A2ML1: variants seen among roughly 807,000 people sequenced by gnomAD.
A2ML1 encodes alpha-2-macroglobulin like 1, also known as alpha-2-macroglobulin-like protein 1.
In A2ML1, 161 loss-of-function variants were observed where a neutral mutation model predicts 181.9. The ratio of observed to expected loss-of-function variants is 0.89; its 90% CI spans 0.78 to 1.01. The LOEUF is 1.01. Among genes scored for constraint, A2ML1 ranks in the 50% least tolerant of loss-of-function variants. The pLI, the probability that A2ML1 is intolerant of heterozygous loss-of-function variation, is 0.00. For missense variants in A2ML1, 1,670 were observed against 1,768.1 expected (o/e 0.94, Z 1.00); for synonymous variants, 663 against 666.8 (o/e 0.99, Z 0.09).
Position 8,857,251 on chromosome 12 carries a change from C to T in A2ML1, c.2936C>T (p.Ala979Val). Residue 979 changes from alanine to valine, a missense_variant, in exon 24 of 36, where the codon GCT (alanine) becomes GTT (valine). Coordinates refer to ENST00000299698, the MANE Select transcript of A2ML1 (RefSeq NM_144670.6). ...GCGEQNMVLF[A>V]PIIYVLQYLE... ...GGCGAGCAGAACATGGTCTTGTTTG[C>T]TCCCATCATCTATGTCTTGCAGTAC... 3 of 1,613,596 alleles carry T rather than the reference C, an allele frequency of 1.9e-6. No homozygotes were observed. Among genetic ancestry groups the T allele is most frequent in the South Asian group, 2.2e-5 (2 of 91,058 alleles).
At chr12:8,879,217 T>A (rs1944845378), downstream of A2ML1, among the ~76,000 whole-genome samples, 1 of 151,968 alleles carries the variant, frequency 6.6e-6, no homozygotes. Context: ...AGTTGTCAGG[T>A]GCAGCAGCTC....
downstream of A2ML1, among the ~76,000 whole-genome samples, chr12:8,879,512 C>T (rs935291942): frequency 6.6e-6 from 1 of 151,790 alleles, no homozygotes; most frequent in Non-Finnish European, 1.5e-5. Flanking sequence ...AGAAGGTAGT[C>T]ATGATCATGA....
Position 8,841,397 on chromosome 12 carries a change from T to C in A2ML1, c.1109T>C (p.Phe370Ser), listed in dbSNP as rs61744220. 4.9e-3 allele frequency: 7,972 copies of C among 1,614,056 alleles called. 354 individuals are homozygous for C. The African/African-American group carries it at 0.092, about 19-fold the overall frequency. The change falls in exon 11 of 36, where the codon TTC becomes TCC. Residue 370 changes from phenylalanine to serine, a missense_variant. Physicochemically the swap from Phe to Ser is radical, Grantham distance 155. Coordinates refer to ENST00000299698, the MANE Select transcript of A2ML1 (RefSeq NM_144670.6). ...KIRVRGHDDS[F>S]LKNHLVFLVI... is the part of the protein sequence containing the mutation. ...AGAGTTAGGGGCCATGATGACTCCTTCCTCAAGAACCATCTAGTGTTTCTG... is the reference window on the plus strand; with the variant it reads ...AGAGTTAGGGGCCATGATGACTCCTCCCTCAAGAACCATCTAGTGTTTCTG...
intron 33 of A2ML1, among the ~76,000 whole-genome samples, chr12:8,873,313 C>T (rs1944692574): frequency 1.3e-5 from 2 of 151,308 alleles, no homozygotes; most frequent in South Asian, 4.2e-4. Flanking sequence ...GATCTTGGCT[C>T]ACTATAATCT....
rs750224488 is a variant in A2ML1, at chr12:8,868,562, A to G, written c.4087A>G (p.Asn1363Asp). 3 of 1,613,896 alleles carry G rather than the reference A, an allele frequency of 1.9e-6. No homozygotes were observed. Among genetic ancestry groups the G allele is most frequent in the East Asian group, 4.5e-5 (2 of 44,874 alleles). ...TTATGTGGGGAGCCGTAGCTCTTCC[A>G]ATATGGCTATTGTGGAAGTGAAGAT... ...TSYVGSRSSS[N>D]MAIVEVKMLS... Residue 1363 changes from asparagine to aspartate, a missense_variant, in exon 32 of 36, where the codon AAT becomes GAT. By Grantham distance (23) the Asn-to-Asp change is conservative. Coordinates refer to ENST00000299698, the MANE Select transcript of A2ML1 (RefSeq NM_144670.6).
intron 7 of A2ML1, 142 bp downstream of exon 7, chr12:8,836,481 CTTTT>C (rs751110394): frequency 8.6e-3 from 3,320 of 386,678 alleles, no homozygotes; most frequent in South Asian, 0.01. Context: ...TATCCAAGAC[CTTTT>C]TTTTTTTTTT....
Position 8,866,841 on chromosome 12 carries a change from TTTTTTTGTAATAGATA to T in A2ML1, c.3718-980_3718-965del, listed in dbSNP as rs963476069. ...ATTTGTGAGATGAAGAAATCGGGTT[TTTTTTTGTAATAGATA>T]TTTTTTGTAATAGATATTTTACACG... On this transcript the variant is annotated intron_variant, in intron 29 of 35. Coordinates refer to ENST00000299698, the MANE Select transcript of A2ML1 (RefSeq NM_144670.6). Among the ~76,000 whole-genome samples the T allele has an allele frequency of 6.4e-4, 97 of 152,304 alleles. 1 individual carries two copies. Among genetic ancestry groups the T allele is most frequent in the African/African-American group, 1.9e-3 (79 of 41,566 alleles).
chr12:8,824,222 G>GTTTTTTT (rs34400836), intron 3 of A2ML1, among the ~76,000 whole-genome samples: 13 of 92,308 alleles, frequency 1.4e-4, no homozygotes, highest in Non-Finnish European at 1.9e-4. Context: ...AGCTACTGGG[G>GTTTTTTT]TTTTTTTTTT....
Position 8,863,821 on chromosome 12 carries a change from C to T in A2ML1, c.3530C>T (p.Pro1177Leu). 1 of 1,614,210 alleles carries T rather than the reference C, an allele frequency of 6.2e-7. No individual in the cohort carries two copies. The highest frequency in any genetic ancestry group is 8.5e-7 in the Non-Finnish European group (1 of 1,180,034). Residue 1177 changes from proline (P) to leucine (L), a missense_variant, in exon 29 of 36, where the codon CCT becomes CTT. Coordinates refer to ENST00000299698, the MANE Select transcript of A2ML1 (RefSeq NM_144670.6). Reference sequence around the variant, plus strand: ...GAATCCATTTACTGGAGCCAGAAACCTACTCCATCATCGAACGCCAGCCCT... The same window carrying T: ...GAATCCATTTACTGGAGCCAGAAACTTACTCCATCATCGAACGCCAGCCCT... The part of the protein sequence containing the change: ...SGESIYWSQK[P>L]TPSSNASPWS...
chr12:8,845,715 G>T (rs1239484660), intron 13 of A2ML1, among the ~76,000 whole-genome samples: 6 of 151,764 alleles, frequency 4.0e-5, no homozygotes, highest in Non-Finnish European at 5.9e-5. Context: ...CCGGACGTCG[G>T]GGCGGGCCCC....
intron 11 of A2ML1, 143 bp downstream of exon 11, chr12:8,841,679 G>T: frequency 1.3e-6 from 1 of 786,106 alleles, no homozygotes; most frequent in Non-Finnish European, 1.9e-6. Flanking sequence ...TTGACAAAAA[G>T]TTTTCCTTAG....
At chr12:8,868,779 C>T (rs1422909480) in intron 32 of A2ML1, 152 bp downstream of exon 32, 2 of 638,798 alleles carry the variant, frequency 3.1e-6, no homozygotes, top group Admixed American at 6.3e-5. Flanking sequence ...TATGTATGTA[C>T]ACTTGTAAGA....
In A2ML1 at chr12:8,843,174, A is replaced by T; in HGVS notation, c.1289A>T (p.Gln430Leu). ...QMEDLVYNPE[Q>L]VPRYYQNAYL... ...GAAGACTTAGTATATAATCCGGAAC[A>T]AGTGCCACGTTACTACCAAAATGCC... The change falls in exon 12 of 36, where the codon CAA becomes CTA. Residue 430 changes from glutamine to leucine, a missense_variant. Coordinates refer to ENST00000299698, the MANE Select transcript of A2ML1 (RefSeq NM_144670.6). The T allele has an allele frequency of 6.2e-7, 1 of 1,614,234 alleles. No individual in the cohort carries two copies. The highest frequency in any genetic ancestry group is 8.5e-7 in the Non-Finnish European group (1 of 1,180,050).
intron 9 of A2ML1, among the ~76,000 whole-genome samples, chr12:8,838,713 C>A (rs1274977553): frequency 5.9e-5 from 9 of 151,640 alleles, no homozygotes; most frequent in Non-Finnish European, 1.3e-4. Context: ...GAGATCGAGA[C>A]CATCCTGGCT....
intron 23 of A2ML1, among the ~76,000 whole-genome samples, 175 bp from the exon 24 acceptor site, chr12:8,856,989 A>G (rs1592142292): frequency 6.8e-6 from 1 of 147,394 alleles, no homozygotes; most frequent in South Asian, 2.1e-4. Flanking sequence ...CAGGTGATCC[A>G]CCCTCCTCGG....
At chr12:8,846,009 ATGG>A in intron 13 of A2ML1, 65 bp from the exon 14 acceptor site, 1 of 1,584,966 alleles carries the variant, frequency 6.3e-7, no homozygotes, top group African/African-American at 1.3e-5. Context: ...AAAAGTACAT[ATGG>A]TTAGATGCCG....
At chr12:8,860,512 G>A (rs768555163) in intron 26 of A2ML1, among the ~76,000 whole-genome samples, 1 of 152,242 alleles carries the variant, frequency 6.6e-6, no homozygotes, top group Non-Finnish European at 1.5e-5. Flanking sequence ...GCTGCTTGAG[G>A]GGAGCTGCAT....
At chr12:8,871,214 T>A (rs755981389) in intron 33 of A2ML1, among the ~76,000 whole-genome samples, 1 of 152,346 alleles carries the variant, frequency 6.6e-6, no homozygotes, top group Non-Finnish European at 1.5e-5. Flanking sequence ...GGTCTGAGAA[T>A]ACAGTCTTCA....
rs746978816 is a variant in A2ML1 at position 8,823,169 on chromosome 12, G to T, written c.63-13G>T. ...ATCATTATTGCCCTGAAATCCTTCT[G>T]CTCCTTTAATAGAAACTACCTGGTG... On this transcript the variant is annotated splice_polypyrimidine_tract_variant and intron_variant, in intron 1 of 35. Transcript: ENST00000299698. The T allele has an allele frequency of 1.9e-6, 3 of 1,611,120 alleles. No homozygotes were observed. The highest frequency in any genetic ancestry group is 1.3e-5 in the African/African-American group (1 of 74,890).
Sources: gnomAD v4.1 joint callset for allele counts (sites outside exome capture counted in the v4.1 genomes callset) on GRCh38, gnomAD v4.1.1 for gene constraint, MANE v1.5 for transcripts, NCBI Gene and HGNC (gene_info 2026-07-23, HGNC 2026-07-21) for gene names.